The following DIAPH1 variants were observed in gnomAD, a reference collection of about 807,000 sequenced individuals.
DIAPH1 encodes the protein protein diaphanous homolog 1.
In DIAPH1, 46 loss-of-function variants were observed where a neutral mutation model predicts 140.7. That is an observed-to-expected ratio of 0.33 (90% CI 0.26 to 0.42). DIAPH1 has a LOEUF of 0.42. Ranked by LOEUF, DIAPH1 falls within the 10% of genes least tolerant of loss-of-function variation. The pLI, the probability that DIAPH1 is intolerant of heterozygous loss-of-function variation, is 1.00. For missense variants in DIAPH1, 1,310 were observed against 1,558.7 expected (o/e 0.84, Z 2.69); for synonymous variants, 565 against 551.6 (o/e 1.02, Z -0.34).
intron 18 of DIAPH1, chr5:141,562,919 CT>C (rs2099893812): frequency 6.6e-6 from 1 of 152,242 alleles, no homozygotes. Flanking sequence ...TGCTTTGACA[CT>C]TGCTAGATAT....
At chr5:141,576,715 G>A in intron 13 of DIAPH1, 41 bp downstream of exon 13, 1 of 1,277,586 alleles carries the variant, frequency 7.8e-7, no homozygotes, top group Non-Finnish European at 1.1e-6. Context: ...ATGAAAGGAA[G>A]AAGCAATACT....
intron 18 of DIAPH1, among the ~76,000 whole-genome samples, chr5:141,547,327 C>T (rs962079154): frequency 4.6e-5 from 7 of 151,886 alleles, no homozygotes; most frequent in South Asian, 2.1e-4. Context: ...TGGCCAGGCA[C>T]GGTGGCAGGT....
chr5:141,527,716 A>AAAAAAAAC lies in DIAPH1; in HGVS notation c.3149-20_3149-19insGTTTTTTT. The AAAAAAAAC allele has an allele frequency of 1.3e-6, 2 of 1,565,828 alleles. No homozygotes were observed. The highest frequency in any genetic ancestry group is 1.9e-5 in the Admixed American group (1 of 52,764). On this transcript the variant is annotated intron_variant, in intron 23 of 27. Coordinates refer to ENST00000389054, the MANE Select transcript of DIAPH1 (RefSeq NM_005219.5). ...GCAGAAACTAAAAAAAAAAAAAAAA[A>AAAAAAAAC]AAAAAACCATAAAAACAGACAGCAA...
rs772880549 is a variant in DIAPH1 at position 141,574,117 on chromosome 5, C to A, written c.1733G>T (p.Ser578Ile). 1 of 1,614,000 alleles carries A rather than the reference C, an allele frequency of 6.2e-7. No homozygotes were observed. The highest frequency in any genetic ancestry group is 1.1e-5 in the South Asian group (1 of 91,076). ...AAITVPPSVPSRAPVPPAPPL... is the reference protein window; with the variant it reads ...AAITVPPSVPIRAPVPPAPPL... ...AGGGGCAGGGGGAACAGGAGCACGACTAGGAACAGAAGGAGGTACAGTAAT... is the reference window on the plus strand; with the variant it reads ...AGGGGCAGGGGGAACAGGAGCACGAATAGGAACAGAAGGAGGTACAGTAAT... The change falls in exon 16 of 28, where the codon AGT becomes ATT. Residue 578 changes from serine (S) to isoleucine (I), a missense_variant. Physicochemically the swap from Ser to Ile is moderately radical, Grantham distance 142. Coordinates refer to ENST00000389054, the MANE Select transcript of DIAPH1 (RefSeq NM_005219.5).
At chr5:141,583,182 T>C (rs765623918) in intron 6 of DIAPH1, 24 bp downstream of exon 6, 5 of 1,603,460 alleles carry the variant, frequency 3.1e-6, no homozygotes, top group Admixed American at 1.7e-5. Flanking sequence ...CAACTTGAAG[T>C]TGCAAAGACT....
intron 1 of DIAPH1, among the ~76,000 whole-genome samples, chr5:141,591,214 C>G (rs1471121114): frequency 6.6e-6 from 1 of 152,072 alleles, no homozygotes; most frequent in Admixed American, 6.6e-5. Context: ...TTTCACAACT[C>G]CAACAGGCCC....
At chr5:141,604,089 G>C (rs1156290706) in intron 1 of DIAPH1, among the ~76,000 whole-genome samples, 1 of 152,194 alleles carries the variant, frequency 6.6e-6, no homozygotes, top group African/African-American at 2.4e-5. Context: ...GCTGCCAACA[G>C]AGAAAGTGCT....
At chr5:141,535,399 A>G (rs1458629199) in intron 18 of DIAPH1, among the ~76,000 whole-genome samples, 1 of 152,246 alleles carries the variant, frequency 6.6e-6, no homozygotes, top group Non-Finnish European at 1.5e-5. Context: ...ACGTTCCCTG[A>G]TAAATGATAC....
chr5:141,579,687 C>G (rs773523798), intron 8 of DIAPH1, among the ~76,000 whole-genome samples: 1 of 152,108 alleles, frequency 6.6e-6, no homozygotes, highest in Non-Finnish European at 1.5e-5. Flanking sequence ...CAGTGGCTCA[C>G]GCTTGTAATC....
intron 27 of DIAPH1, among the ~76,000 whole-genome samples, chr5:141,520,412 T>A (rs2099886336): frequency 6.6e-6 from 1 of 152,086 alleles, no homozygotes; most frequent in African/African-American, 2.4e-5. Context: ...ATGGGGTGGA[T>A]CCCTTATGAG....
chr5:141,584,496 T>C (rs1214634323), intron 3 of DIAPH1, among the ~76,000 whole-genome samples: 2 of 152,214 alleles, frequency 1.3e-5, no homozygotes, highest in African/African-American at 2.4e-5. Flanking sequence ...AAGATTTATT[T>C]TGTATTATTG....
At chr5:141,569,972 C>A (rs1387406881) in intron 18 of DIAPH1, among the ~76,000 whole-genome samples, 1 of 152,154 alleles carries the variant, frequency 6.6e-6, no homozygotes, top group East Asian at 1.9e-4. Context: ...GCACAAAGAT[C>A]TTTTACTAAA....
chr5:141,526,535 A>C, intron 24 of DIAPH1, 74 bp from the exon 25 acceptor site: 8 of 1,573,614 alleles, frequency 5.1e-6, no homozygotes, highest in Non-Finnish European at 7.0e-6. Flanking sequence ...GGAATTACTC[A>C]AAGATGAGTA....
Position 141,516,801 on chromosome 5 carries a change from A to G in DIAPH1, c.*50T>C, listed in dbSNP as rs1441862868. On this transcript the variant is annotated 3_prime_UTR_variant, in exon 28 of 28. Transcript: ENST00000389054. Reference sequence around the variant, plus strand: ...AGCCTTTAGGCACATGCTGCAGGGCAGGACAGTCTGCGGCTCCGCTGAGGA... The same window carrying G: ...AGCCTTTAGGCACATGCTGCAGGGCGGGACAGTCTGCGGCTCCGCTGAGGA... 2.5e-6 allele frequency: 4 copies of G among 1,610,462 alleles called. No individual in the cohort carries two copies. Among genetic ancestry groups the G allele is most frequent in the African/African-American group, 1.3e-5 (1 of 74,976 alleles).
Position 141,527,717 on chromosome 5 carries a change from A to G in DIAPH1, c.3149-20T>C. The stretch of plus-strand genomic sequence containing the variant: ...CAGAAACTAAAAAAAAAAAAAAAAA[A>G]AAAAACCATAAAAACAGACAGCAAG... On this transcript the variant is annotated intron_variant, in intron 23 of 27. Coordinates refer to ENST00000389054, the MANE Select transcript of DIAPH1 (RefSeq NM_005219.5). 1 of 1,557,650 alleles carries G rather than the reference A, an allele frequency of 6.4e-7. No homozygotes were observed. The highest frequency in any genetic ancestry group is 8.7e-7 in the Non-Finnish European group (1 of 1,153,706).
At chr5:141,605,650 T>C (rs1390447068) in intron 1 of DIAPH1, among the ~76,000 whole-genome samples, 1 of 152,204 alleles carries the variant, frequency 6.6e-6, no homozygotes, top group Non-Finnish European at 1.5e-5. Context: ...GTCATCTAAT[T>C]ACACGACTTT....
Position 141,576,787 on chromosome 5 carries a change from C to T in DIAPH1, c.1365G>A (p.Arg455=). The T allele has an allele frequency of 6.2e-7, 1 of 1,613,628 alleles. No homozygotes were observed. The highest frequency in any genetic ancestry group is 8.5e-7 in the Non-Finnish European group (1 of 1,179,580). The change falls in exon 13 of 28, where the codon CGG becomes CGA. Residue 455 remains arginine (R), a synonymous_variant. Coordinates refer to ENST00000389054, the MANE Select transcript of DIAPH1 (RefSeq NM_005219.5). ...ATCCCTCAATCTCAATCTGGAGGTGCCGGCACTTGAAGTCAGGATCAGCCC... is the reference window on the plus strand; with the variant it reads ...ATCCCTCAATCTCAATCTGGAGGTGTCGGCACTTGAAGTCAGGATCAGCCC... ...KNGADPDFKC[R]HLQIEIEGLI...
intron 1 of DIAPH1, among the ~76,000 whole-genome samples, chr5:141,607,314 A>T (rs1463597013): frequency 1.3e-5 from 2 of 152,248 alleles, no homozygotes; most frequent in Admixed American, 1.3e-4. Context: ...TTTCTTATAC[A>T]TCCTTGAGAT....
At chr5:141,552,590 GA>G in intron 18 of DIAPH1, among the ~76,000 whole-genome samples, 1 of 152,316 alleles carries the variant, frequency 6.6e-6, no homozygotes, top group African/African-American at 2.4e-5. Flanking sequence ...TTCGATTTTA[GA>G]AATTCTGGCC....
Sources: gnomAD v4.1 joint callset for allele counts (sites outside exome capture counted in the v4.1 genomes callset) on GRCh38, gnomAD v4.1.1 for gene constraint, MANE v1.5 for transcripts, NCBI Gene and HGNC (gene_info 2026-07-23, HGNC 2026-07-21) for gene names.